The following THSD7A variants were observed in gnomAD, a reference collection of about 807,000 sequenced individuals.
THSD7A encodes thrombospondin type-1 domain-containing protein 7A.
A neutral mutation model predicts 231.3 loss-of-function variants in THSD7A; 96 were observed. The observed-to-expected ratio is 0.41, with a 90% CI of 0.35 to 0.49. The LOEUF (loss-of-function observed/expected upper bound fraction) is 0.49. Ranked by LOEUF, THSD7A falls within the 20% of genes least tolerant of loss-of-function variation. THSD7A has a pLI of 0.05. For synonymous variants in THSD7A, 940 were observed against 743.3 expected (o/e 1.26, Z -4.30); for missense variants, 2,290 against 2,070.2 (o/e 1.11, Z -2.06).
intron 9 of THSD7A, among the ~76,000 whole-genome samples, chr7:11,463,397 G>A (rs571318280): frequency 8.0e-4 from 121 of 152,014 alleles, no homozygotes; most frequent in African/African-American, 2.5e-3. Context: ...CAAATTTCTG[G>A]GCCTATACCC....
At chr7:11,690,624 T>C (rs928305485) in intron 1 of THSD7A, among the ~76,000 whole-genome samples, 7 of 151,752 alleles carry the variant, frequency 4.6e-5, no homozygotes, top group Non-Finnish European at 7.4e-5. Context: ...CCAGGGAAGC[T>C]ATCTCAATTC....
chr7:11,384,489 G>T (rs1782651507), intron 23 of THSD7A: 1 of 151,906 alleles, frequency 6.6e-6, no homozygotes, highest in East Asian at 1.9e-4. Flanking sequence ...TTTACAGTTT[G>T]TTCTTCATCT....
At chr7:11,572,595 A>G (rs1321545746) in intron 4 of THSD7A, among the ~76,000 whole-genome samples, 2 of 151,968 alleles carry the variant, frequency 1.3e-5, no homozygotes, top group African/African-American at 4.8e-5. Flanking sequence ...TGAAGCCTCA[A>G]CCTCCTAGGC....
At chr7:11,654,170 T>C (rs1326558223) in intron 1 of THSD7A, among the ~76,000 whole-genome samples, 3 of 151,924 alleles carry the variant, frequency 2.0e-5, no homozygotes, top group Admixed American at 1.3e-4. Context: ...ATATAATCTA[T>C]ACACTTCCAA....
chr7:11,669,395 G>T (rs1401993544), intron 1 of THSD7A, among the ~76,000 whole-genome samples: 1 of 151,838 alleles, frequency 6.6e-6, no homozygotes, highest in South Asian at 2.1e-4. Context: ...GAGAAACAAA[G>T]AATAAGATGC....
At position 11,377,437 on chromosome 7, in the gene THSD7A, T is replaced by C. The variant is rs1782320413; in HGVS notation, c.4802-780A>G. On this transcript the variant is annotated intron_variant, in intron 26 of 27. Coordinates refer to ENST00000423059, the MANE Select transcript of THSD7A (RefSeq NM_015204.3). This position sits in a 1 kb window ranked among gnomAD's most constrained non-coding sequence, Gnocchi z 4.5. ...TTGATCCTCACATCAACATATATTT[T>C]CTGTTGCAATTAAATATTTGATCTT... 6.6e-6 allele frequency among the ~76,000 whole-genome samples: 1 copy of C among 152,064 alleles called. No individual in the cohort carries two copies. Among genetic ancestry groups the C allele is most frequent in the South Asian group, 2.1e-4 (1 of 4,834 alleles).
chr7:11,701,975 T>A (rs1780618161), intron 1 of THSD7A, among the ~76,000 whole-genome samples: 1 of 151,106 alleles, frequency 6.6e-6, no homozygotes, highest in Admixed American at 6.6e-5. Flanking sequence ...AGCAATTGGG[T>A]GTACCTTGTT....
chr7:11,614,170 G>A (rs1781027433), intron 2 of THSD7A, among the ~76,000 whole-genome samples: 1 of 152,110 alleles, frequency 6.6e-6, no homozygotes, highest in Non-Finnish European at 1.5e-5. Flanking sequence ...GGAATCAAAG[G>A]GTAGGATAGG....
At chr7:11,678,718 C>CA (rs926368827) in intron 1 of THSD7A, among the ~76,000 whole-genome samples, 76 of 152,016 alleles carry the variant, frequency 5.0e-4, no homozygotes, top group Middle Eastern at 3.4e-3. Flanking sequence ...GCCTACCAAC[C>CA]AAAAAAATGC....
In THSD7A at chr7:11,469,930, T is replaced by C. The variant is rs889328565; in HGVS notation, c.2317A>G (p.Ile773Val). ...PCLLPCKKDC[I>V]VTPYSDWTSC... ...GTCCAGTCACTATATGGGGTCACAA[T>C]ACAGTCCTTCTTACAAGGAAGCAGA... Residue 773 changes from isoleucine to valine, a missense_variant, in exon 9 of 28, where the codon ATT becomes GTT. Physicochemically the swap from Ile to Val is conservative, Grantham distance 29. Coordinates refer to ENST00000423059, the MANE Select transcript of THSD7A (RefSeq NM_015204.3). 8.1e-6 allele frequency: 13 copies of C among 1,603,820 alleles called. No individual in the cohort carries two copies. The highest frequency in any genetic ancestry group is 2.2e-5 in the East Asian group (1 of 44,560).
chr7:11,646,988 C>A (rs1374808670), intron 1 of THSD7A, among the ~76,000 whole-genome samples: 3 of 152,000 alleles, frequency 2.0e-5, no homozygotes, highest in Non-Finnish European at 2.9e-5. Flanking sequence ...TTTGTGGGAC[C>A]TTCTGAGGAG....
chr7:11,374,151 A>G lies in THSD7A; in HGVS notation c.*1643T>C, dbSNP rs1246492111. On this transcript the variant is annotated 3_prime_UTR_variant, in exon 28 of 28. Coordinates refer to ENST00000423059, the MANE Select transcript of THSD7A (RefSeq NM_015204.3). ...CCAGACCAGGGGTCAGCAAAATATG[A>G]CCTGCAAAGGTGGCCTACTGGCTGT... 6.6e-6 allele frequency: 1 copy of G among 152,074 alleles called. No homozygotes were observed. The highest frequency in any genetic ancestry group is 1.5e-5 in the Non-Finnish European group (1 of 67,992). 9.4% of individuals were successfully genotyped at this position (152,074 alleles called of 1,614,324 possible).
At chr7:11,489,940 C>T (rs79934780) in intron 6 of THSD7A, among the ~76,000 whole-genome samples, 1 of 151,956 alleles carries the variant, frequency 6.6e-6, no homozygotes, top group East Asian at 1.9e-4. Flanking sequence ...TTTAAGAAAC[C>T]TGGGAGTCTT....
chr7:11,716,758 A>G lies in THSD7A; in HGVS notation c.191-79797T>C, dbSNP rs140281872. Among the ~76,000 whole-genome samples, 226 of 151,638 alleles carry G rather than the reference A, an allele frequency of 1.5e-3. 7 individuals are homozygous for G. In the East Asian group the frequency reaches 0.042, roughly 28 times the overall value. On this transcript the variant is annotated intron_variant, in intron 1 of 27. Coordinates refer to ENST00000423059, the MANE Select transcript of THSD7A (RefSeq NM_015204.3). ...GTTCCTCTATTTCTTCCTTACTCCA[A>G]TGCCTTATGTATATGGCTGTCCTAT...
chr7:11,614,358 C>T (rs1030262239), intron 2 of THSD7A, among the ~76,000 whole-genome samples: 7 of 152,132 alleles, frequency 4.6e-5, no homozygotes, highest in African/African-American at 1.2e-4. Context: ...TGTGCCTCTA[C>T]ATCAAATGGC....
chr7:11,487,511 T>A (rs1487933250), intron 6 of THSD7A, among the ~76,000 whole-genome samples: 1 of 152,186 alleles, frequency 6.6e-6, no homozygotes, highest in Non-Finnish European at 1.5e-5. Context: ...AATTGTATTT[T>A]AATGCAAAAT....
At chr7:11,707,257 A>C (rs1390976945) in intron 1 of THSD7A, among the ~76,000 whole-genome samples, 1 of 151,034 alleles carries the variant, frequency 6.6e-6, no homozygotes, top group South Asian at 2.1e-4. Context: ...AGTAGCTGTA[A>C]ATCACAGCAG....
At position 11,373,817 on chromosome 7, in the gene THSD7A, A is replaced by G. The variant is rs1165230404; in HGVS notation, c.*1977T>C. 6.6e-6 allele frequency: 1 copy of G among 152,240 alleles called. No individual in the cohort carries two copies. The highest frequency in any genetic ancestry group is 1.9e-4 in the East Asian group (1 of 5,178). The allele number at this position is 152,240 out of a possible 1,614,324, so 9.4% of individuals were successfully genotyped here. On this transcript the variant is annotated 3_prime_UTR_variant, in exon 28 of 28. Transcript: ENST00000423059. ...CAGGAACACAGCTGTTTAAGATAAA[A>G]TAGCATGTTAGTTATATTATTTTTC...
chr7:11,474,324 A>C lies in THSD7A; in HGVS notation c.2252+10T>G. On this transcript the variant is annotated intron_variant, in intron 8 of 27. Coordinates refer to ENST00000423059, the MANE Select transcript of THSD7A (RefSeq NM_015204.3). This position sits in a 1 kb window ranked among gnomAD's most constrained non-coding sequence, Gnocchi z 4.1. ...TACACGATTTACTGTTGTCATTCTA[A>C]AGCTCTTACTTTTTGGGTCCCACTT... The C allele has an allele frequency of 1.2e-6, 2 of 1,602,662 alleles. No homozygotes were observed. The highest frequency in any genetic ancestry group is 1.7e-6 in the Non-Finnish European group (2 of 1,173,254).
Sources: allele counts gnomAD v4.1 joint callset (sites outside exome capture counted in the v4.1 genomes callset), GRCh38; gene constraint gnomAD v4.1.1; non-coding constraint Gnocchi (gnomAD v3.1); transcripts MANE v1.5; gene names NCBI Gene and HGNC (gene_info 2026-07-23, HGNC 2026-07-21).